Variants in PLD5 observed in about 807,000 individuals in gnomAD.
PLD5 encodes the protein phospholipase D family member 5.
A neutral mutation model predicts 61.1 loss-of-function variants in PLD5; 36 were observed. The ratio of observed to expected loss-of-function variants is 0.59; its 90% CI spans 0.45 to 0.78. The LOEUF (loss-of-function observed/expected upper bound fraction) is 0.78. Among genes scored for constraint, PLD5 ranks in the 30% least tolerant of loss-of-function variants. PLD5 has a pLI of 0.00. For synonymous variants in PLD5, 243 were observed against 242.8 expected, an observed-to-expected ratio of 1.00 and a Z score of -0.01; for missense variants, 515 against 644.4, an observed-to-expected ratio of 0.80 and a Z score of 2.17.
chr1:242,187,509 A>C (rs549758719), intron 5 of PLD5, among the ~76,000 whole-genome samples: 2 of 152,328 alleles, frequency 1.3e-5, no homozygotes, highest in African/African-American at 4.8e-5. Flanking sequence ...TGCATATATT[A>C]ATATACAAAT....
In PLD5 at chr1:242,279,645, C is replaced by T. The variant is rs544664463; in HGVS notation, c.495+8717G>A. On this transcript the variant is annotated intron_variant, in intron 3 of 9. Transcript: ENST00000536534. The stretch of plus-strand genomic sequence containing the variant: ...GCCTCCCGGGTTCAAGCGATTCCCC[C>T]GCCTCAGCCTCCTAAGTACCTGGGA... Among the ~76,000 whole-genome samples the T allele has an allele frequency of 4.8e-4, 73 of 152,122 alleles. No homozygotes were observed. The Middle Eastern group carries it at 0.01, about 21-fold the overall frequency.
Position 242,510,735 on chromosome 1 carries a change from C to G in PLD5, c.189+13353G>C, listed in dbSNP as rs995201502. Among the ~76,000 whole-genome samples the G allele has an allele frequency of 2.6e-5, 4 of 151,944 alleles. No individual in the cohort carries two copies. In the South Asian group the frequency reaches 8.3e-4, roughly 32 times the overall value. On this transcript the variant is annotated intron_variant, in intron 1 of 9. Coordinates refer to ENST00000536534, the MANE Select transcript of PLD5 (RefSeq NM_001372062.1). ...TGGCAGGCGCCTGTAGTCCCAGCTA[C>G]TCAGGAGGCCGAGGCAGGAGAATGG...
chr1:242,177,323 C>G (rs551795832), intron 5 of PLD5, among the ~76,000 whole-genome samples: 1 of 152,038 alleles, frequency 6.6e-6, no homozygotes, highest in African/African-American at 2.4e-5. Context: ...GAACAGAAAA[C>G]CAAACACCAC....
chr1:242,295,443 G>A (rs1179644308), intron 2 of PLD5, among the ~76,000 whole-genome samples: 1 of 152,194 alleles, frequency 6.6e-6, no homozygotes, highest in Non-Finnish European at 1.5e-5. Context: ...GCCTCCAGCT[G>A]TATCCACATT....
chr1:242,433,623 C>A (rs1193385051), intron 1 of PLD5, among the ~76,000 whole-genome samples: 1 of 152,180 alleles, frequency 6.6e-6, no homozygotes, highest in Non-Finnish European at 1.5e-5. Flanking sequence ...AAACTAATGT[C>A]TTTGTTCTGG....
chr1:242,419,855 C>A (rs1665041771), intron 1 of PLD5, among the ~76,000 whole-genome samples: 1 of 152,166 alleles, frequency 6.6e-6, no homozygotes, highest in South Asian at 2.1e-4. Flanking sequence ...ACAACTCACA[C>A]CACTGTATGA....
intron 2 of PLD5, among the ~76,000 whole-genome samples, chr1:242,340,501 T>TAA (rs532691633): frequency 2.1e-5 from 3 of 142,860 alleles, no homozygotes; most frequent in Admixed American, 7.0e-5. Context: ...AAGATGAAAG[T>TAA]AAAAAAAAAA....
At chr1:242,250,928 G>A (rs969321315) in intron 4 of PLD5, among the ~76,000 whole-genome samples, 2 of 152,208 alleles carry the variant, frequency 1.3e-5, no homozygotes, top group Non-Finnish European at 2.9e-5. Context: ...TGCACATGTA[G>A]AAGTGCAGAC....
chr1:242,327,836 A>T (rs1229344047), intron 2 of PLD5, among the ~76,000 whole-genome samples: 2 of 152,192 alleles, frequency 1.3e-5, no homozygotes, highest in African/African-American at 4.8e-5. Flanking sequence ...TTATGCCTGT[A>T]ATCCCAACCC....
At chr1:242,288,324 T>G (rs1376950497) in intron 3 of PLD5, 38 bp downstream of exon 3, 6 of 1,588,356 alleles carry the variant, frequency 3.8e-6, no homozygotes, top group Non-Finnish European at 5.1e-6. Flanking sequence ...AAAATGCACA[T>G]AAGTAAAATC....
chr1:242,483,478 G>A (rs1270699180), intron 1 of PLD5, among the ~76,000 whole-genome samples: 1 of 152,186 alleles, frequency 6.6e-6, no homozygotes, highest in African/African-American at 2.4e-5. Flanking sequence ...TTACATAGTG[G>A]TAAAGGGATC....
At chr1:242,523,993 GC>G (rs1393447563) in intron 1 of PLD5, 94 bp downstream of exon 1, 5 of 1,332,944 alleles carry the variant, frequency 3.8e-6, no homozygotes, top group Admixed American at 5.2e-5. Context: ...CCCCTCGCCT[GC>G]CCCCCGCGCC....
chr1:242,507,348 C>T (rs1411949368), intron 1 of PLD5, among the ~76,000 whole-genome samples: 1 of 152,172 alleles, frequency 6.6e-6, no homozygotes, highest in Non-Finnish European at 1.5e-5. Flanking sequence ...GGATGTTGTG[C>T]AGAAGTGACT....
At chr1:242,237,317 G>A (rs1478044625) in intron 4 of PLD5, among the ~76,000 whole-genome samples, 5 of 149,064 alleles carry the variant, frequency 3.4e-5, no homozygotes, top group Admixed American at 6.7e-5. Context: ...AATGAGTTAA[G>A]AAAAAAAAAA....
chr1:242,377,999 AG>A (rs1359649514), intron 1 of PLD5, among the ~76,000 whole-genome samples: 1 of 152,234 alleles, frequency 6.6e-6, no homozygotes, highest in Admixed American at 6.5e-5. Flanking sequence ...CTTATGATCC[AG>A]TAATTCCACT....
chr1:242,150,037 A>G (rs1349252631), intron 5 of PLD5, among the ~76,000 whole-genome samples: 1 of 151,778 alleles, frequency 6.6e-6, no homozygotes, highest in East Asian at 1.9e-4. Flanking sequence ...CTCTATTTTT[A>G]TCTTCACTCA....
rs187530162 is a variant in PLD5, at chr1:242,298,026, C to T, written c.327-9496G>A. On this transcript the variant is annotated intron_variant, in intron 2 of 9. Transcript: ENST00000536534. ...TTGTTGCATATATTGCCAATGGGAG[C>T]CCCTGTAAGTTGTATTCTGTGTCCT... Among the ~76,000 whole-genome samples, 314 of 152,298 alleles carry T rather than the reference C, an allele frequency of 2.1e-3. 1 individual carries two copies. The highest frequency in any genetic ancestry group is 0.013 in the East Asian group (65 of 5,180).
intron 1 of PLD5, among the ~76,000 whole-genome samples, chr1:242,397,054 T>C (rs979213397): frequency 1.3e-5 from 2 of 152,150 alleles, no homozygotes; most frequent in African/African-American, 4.8e-5. Flanking sequence ...TATAGCTACA[T>C]GTTGAGTGTC....
intron 2 of PLD5, among the ~76,000 whole-genome samples, chr1:242,335,114 T>C (rs1255629792): frequency 6.6e-6 from 1 of 151,948 alleles, no homozygotes; most frequent in Non-Finnish European, 1.5e-5. Flanking sequence ...CTTTTTCTCC[T>C]GTTATCCTAT....
Sources: allele counts gnomAD v4.1 joint callset (sites outside exome capture counted in the v4.1 genomes callset), GRCh38; gene constraint gnomAD v4.1.1; transcripts MANE v1.5; gene names NCBI Gene and HGNC (gene_info 2026-07-23, HGNC 2026-07-21).